ALDH3A2: variants seen among roughly 807,000 people sequenced by gnomAD.
ALDH3A2 encodes the protein aldehyde dehydrogenase 3 family member A2, also known as aldehyde dehydrogenase family 3 member A2.
In ALDH3A2, 36 loss-of-function variants were observed where a neutral mutation model predicts 51.3. The observed-to-expected ratio is 0.70, with a 90% CI of 0.54 to 0.93. The LOEUF (loss-of-function observed/expected upper bound fraction) is 0.93, where lower values mean the gene tolerates loss of function less well. Among genes scored for constraint, ALDH3A2 ranks in the 40% least tolerant of loss-of-function variants. The pLI, the probability that ALDH3A2 is intolerant of heterozygous loss-of-function variation, is 0.00. For missense variants in ALDH3A2, 552 were observed against 603.1 expected, an observed-to-expected ratio of 0.92 and a Z score of 0.89; for synonymous variants, 199 against 219.8, an observed-to-expected ratio of 0.91 and a Z score of 0.84.
Position 19,657,760 on chromosome 17 carries a change from A to G in ALDH3A2, c.696A>G (p.Gly232=), listed in dbSNP as rs2084915966. The G allele has an allele frequency of 6.2e-7, 1 of 1,613,378 alleles. No individual in the cohort carries two copies. Among genetic ancestry groups the G allele is most frequent in the Non-Finnish European group, 8.5e-7 (1 of 1,179,296 alleles). ...TTCCCCTCAGACGCATAACCTGGGGAAAATACATGAATTGTGGCCAAACCT... is the reference window on the plus strand; with the variant it reads ...TTCCCCTCAGACGCATAACCTGGGGGAAATACATGAATTGTGGCCAAACCT... ...LDIVCRRITW[G]KYMNCGQTCI... Residue 232 remains glycine (G), a synonymous_variant, in exon 5 of 10, where the codon GGA becomes GGG. Transcript: ENST00000176643.
chr17:19,674,347 T>C (rs2085160557), intron 9 of ALDH3A2: 1 of 152,180 alleles, frequency 6.6e-6, no homozygotes, highest in South Asian at 2.1e-4. Flanking sequence ...CATTCTCCAA[T>C]CTTACCAAAC....
chr17:19,657,060 C>T lies in ALDH3A2; in HGVS notation c.680+486C>T, dbSNP rs1033963071. Among the ~76,000 whole-genome samples the T allele has an allele frequency of 1.1e-3, 163 of 152,214 alleles. 1 individual carries two copies. Among genetic ancestry groups the T allele is most frequent in the Non-Finnish European group, 7.3e-5 (5 of 68,038 alleles). On this transcript the variant is annotated intron_variant, in intron 4 of 9. Coordinates refer to ENST00000176643, the MANE Select transcript of ALDH3A2 (RefSeq NM_000382.3). ...TAGAAAATAAGAGGTTTCAGGTTCT[C>T]TCTGCTAAATCCGGTTTAGCTACTA...
At chr17:19,657,334 T>A (rs532029482) in intron 4 of ALDH3A2, among the ~76,000 whole-genome samples, 11 of 152,398 alleles carry the variant, frequency 7.2e-5, no homozygotes, top group African/African-American at 2.6e-4. Flanking sequence ...TCCTGCTTTA[T>A]ACCTGAACAT....
chr17:19,661,307 T>G (rs776991801), intron 6 of ALDH3A2, 39 bp downstream of exon 6: 1 of 1,613,448 alleles, frequency 6.2e-7, no homozygotes, highest in Non-Finnish European at 8.5e-7. Context: ...AAGATGGCAA[T>G]TTGGCAGTTT....
intron 8 of ALDH3A2, among the ~76,000 whole-genome samples, chr17:19,665,844 A>G (rs2152331438): frequency 6.6e-6 from 1 of 152,318 alleles, no homozygotes; most frequent in African/African-American, 2.4e-5. Flanking sequence ...CCACTGTCTT[A>G]AAGCCCTGTT....
At chr17:19,663,294 G>A in intron 6 of ALDH3A2, 39 bp from the exon 7 acceptor site, 1 of 1,604,958 alleles carries the variant, frequency 6.2e-7, no homozygotes, top group Non-Finnish European at 8.5e-7. Context: ...GTGCATTTTT[G>A]TCTAATAAGC....
chr17:19,655,961 C>A (rs1400284171), intron 3 of ALDH3A2, among the ~76,000 whole-genome samples: 2 of 152,234 alleles, frequency 1.3e-5, no homozygotes, highest in Non-Finnish European at 2.9e-5. Flanking sequence ...TGGGCTAAGC[C>A]CACTCTGTGT....
chr17:19,661,884 TAAAA>T (rs545956900), intron 6 of ALDH3A2: 1 of 146,794 alleles, frequency 6.8e-6, no homozygotes, highest in Non-Finnish European at 1.5e-5. Flanking sequence ...AAATCAACTT[TAAAA>T]AAAAAAACTT....
At chr17:19,669,031 T>C (rs2085076416) in intron 8 of ALDH3A2, among the ~76,000 whole-genome samples, 1 of 150,304 alleles carries the variant, frequency 6.7e-6, no homozygotes. Context: ...GCATGGTGGC[T>C]CACACCTATA....
At chr17:19,661,966 T>C (rs573470249) in intron 6 of ALDH3A2, 1 of 152,108 alleles carries the variant, frequency 6.6e-6, no homozygotes, top group South Asian at 2.1e-4. Flanking sequence ...CTGAGCTAGA[T>C]AATTCAGTGG....
In ALDH3A2 at chr17:19,663,377, CAAG is replaced by C. The variant is rs746747637; in HGVS notation, c.991_993del (p.Glu331del). On this transcript the variant is annotated inframe_deletion, in exon 7 of 10. Coordinates refer to ENST00000176643, the MANE Select transcript of ALDH3A2 (RefSeq NM_000382.3). ...TGTTGATCCTAAAACCAAGGTGATG[CAAG>C]AAGAAATTTTTGGACCAATTCTTCC... The C allele has an allele frequency of 1.2e-6, 2 of 1,614,128 alleles. No individual in the cohort carries two copies. Among genetic ancestry groups the C allele is most frequent in the Admixed American group, 1.7e-5 (1 of 60,022 alleles).
chr17:19,649,010 G>C lies in ALDH3A2; in HGVS notation c.39G>C (p.Leu13=). ...TCCGGCGGGTCCGACAGGCGTTCCT[G>C]TCCGGCCGGTCGCGACCTCTGCGGT... is the stretch of plus-strand genomic sequence containing the variant. ...LEVRRVRQAF[L]SGRSRPLRFR... Residue 13 remains leucine, a synonymous_variant, in exon 1 of 10, where the codon CTG becomes CTC. Transcript: ENST00000176643. The C allele has an allele frequency of 6.3e-7, 1 of 1,582,630 alleles. No homozygotes were observed. Among genetic ancestry groups the C allele is most frequent in the Non-Finnish European group, 8.6e-7 (1 of 1,164,876 alleles).
chr17:19,648,805 C>G lies in ALDH3A2; in HGVS notation c.-167C>G. ...TGGGACTCAGCGGGCGTGGAGGTCGCGGCTGAGCGAGCGAGCCCTGGGCGA... is the reference window on the plus strand; with the variant it reads ...TGGGACTCAGCGGGCGTGGAGGTCGGGGCTGAGCGAGCGAGCCCTGGGCGA... On this transcript the variant is annotated 5_prime_UTR_variant, in exon 1 of 10. Coordinates refer to ENST00000176643, the MANE Select transcript of ALDH3A2 (RefSeq NM_000382.3). 1.1e-6 allele frequency: 1 copy of G among 950,694 alleles called. No homozygotes were observed. Among genetic ancestry groups the G allele is most frequent in the Non-Finnish European group, 1.6e-6 (1 of 642,268 alleles). 58.9% of individuals were successfully genotyped at this position (950,694 alleles called of 1,614,324 possible).
In ALDH3A2 at chr17:19,654,349, G is replaced by A. The variant is rs1157331321; in HGVS notation, c.471+1717G>A. ...CCTTGGGCGGTCGATGGGACTGGGC[G>A]CTGTGGAGCAGGGGGCGGCGCCCAT... On this transcript the variant is annotated intron_variant, in intron 3 of 9. Coordinates refer to ENST00000176643, the MANE Select transcript of ALDH3A2 (RefSeq NM_000382.3). The surrounding 1 kb of genome is among the most constrained non-coding windows in gnomAD (Gnocchi z 4.5). 1.3e-5 allele frequency among the ~76,000 whole-genome samples: 2 copies of A among 152,266 alleles called. No homozygotes were observed. The highest frequency in any genetic ancestry group is 2.4e-5 in the African/African-American group (1 of 41,480).
chr17:19,673,129 G>A (rs928500593), intron 9 of ALDH3A2: 6 of 1,614,138 alleles, frequency 3.7e-6, no homozygotes, highest in Non-Finnish European at 5.1e-6. Flanking sequence ...AGTTGCATTT[G>A]AAATCATTTG....
At chr17:19,648,665 G>T, upstream of ALDH3A2, 1 of 460,712 alleles carries the variant, frequency 2.2e-6, no homozygotes, top group Non-Finnish European at 4.0e-6. Context: ...CCGGGGAGAG[G>T]GCGGGGGCCG....
At chr17:19,673,298 C>A (rs541095969) in intron 9 of ALDH3A2, 1 of 1,611,938 alleles carries the variant, frequency 6.2e-7, no homozygotes, top group African/African-American at 1.3e-5. Context: ...TGTTTTCTTT[C>A]TATATGTAAG....
chr17:19,667,483 A>C (rs546235017), intron 8 of ALDH3A2, among the ~76,000 whole-genome samples: 7 of 152,354 alleles, frequency 4.6e-5, no homozygotes, highest in African/African-American at 1.7e-4. Flanking sequence ...TCTAATTCTC[A>C]AAGTAATATA....
rs932752268 is a variant in ALDH3A2 at position 19,675,748 on chromosome 17, C to T, written c.*176C>T. 3.7e-5 allele frequency: 27 copies of T among 733,688 alleles called. No homozygotes were observed. Among genetic ancestry groups the T allele is most frequent in the African/African-American group, 1.7e-4 (10 of 57,316 alleles). The allele number at this position is 733,688 out of a possible 1,614,324, so 45.4% of individuals were successfully genotyped here. ...TTAATAAAAGTTGCCATTTCAACTACGTCCCAACATTCCCTAATAGGGTAT... is the reference window on the plus strand; with the variant it reads ...TTAATAAAAGTTGCCATTTCAACTATGTCCCAACATTCCCTAATAGGGTAT... On this transcript the variant is annotated 3_prime_UTR_variant, in exon 10 of 10. Transcript: ENST00000176643.
Sources: gnomAD v4.1 joint callset for allele counts (sites outside exome capture counted in the v4.1 genomes callset) on GRCh38, gnomAD v4.1.1 for gene constraint, Gnocchi (gnomAD v3.1) non-coding constraint, MANE v1.5 for transcripts, NCBI Gene and HGNC (gene_info 2026-07-23, HGNC 2026-07-21) for gene names.